MBOAT2: variants seen among roughly 807,000 people sequenced by gnomAD.
MBOAT2 encodes membrane-bound glycerophospholipid O-acyltransferase 2.
MBOAT2 carries 28 observed loss-of-function variants against 63.4 expected under a neutral mutation model. The observed-to-expected ratio is 0.44, with a 90% confidence interval of 0.33 to 0.61. The LOEUF is 0.61. Among genes scored for constraint, MBOAT2 ranks in the 20% least tolerant of loss-of-function variants. The pLI, the probability that MBOAT2 is intolerant of heterozygous loss-of-function variation, is 0.03. For synonymous variants in MBOAT2, 211 were observed against 215.6 expected, an observed-to-expected ratio of 0.98 and a Z score of 0.19; for missense variants, 470 against 605.8, an observed-to-expected ratio of 0.78 and a Z score of 2.35.
At chr2:8,899,082 A>G (rs965285212) in intron 4 of MBOAT2, among the ~76,000 whole-genome samples, 2 of 152,164 alleles carry the variant, frequency 1.3e-5, no homozygotes, top group Non-Finnish European at 2.9e-5. Context: ...TTTGATAAGG[A>G]AAAGTGGTGG....
intron 1 of MBOAT2, among the ~76,000 whole-genome samples, chr2:8,971,257 G>A (rs1250520809): frequency 6.6e-5 from 10 of 152,102 alleles, no homozygotes; most frequent in South Asian, 2.1e-4. Flanking sequence ...CAGAACCAAC[G>A]ACAAAAACCA....
chr2:8,963,249 A>T (rs937246761), intron 1 of MBOAT2, among the ~76,000 whole-genome samples: 3 of 150,882 alleles, frequency 2.0e-5, no homozygotes, highest in Non-Finnish European at 4.4e-5. Context: ...AAAAAAAAAA[A>T]TTGAGGCGGG....
In MBOAT2 at chr2:8,889,213, C is replaced by A. The variant is rs528044179; in HGVS notation, c.396-1140G>T. Among the ~76,000 whole-genome samples the A allele has an allele frequency of 4.6e-5, 7 of 152,334 alleles. No homozygotes were observed. The East Asian group carries it at 1.2e-3, about 25-fold the overall frequency. ...ACCTGCTCTCTTCCAGCAGTCCACA[C>A]CGCTCAGTGCAGAAGCTCGAACTGC... On this transcript the variant is annotated intron_variant, in intron 4 of 12. Transcript: ENST00000305997.
chr2:8,918,795 T>C (rs189203544), intron 3 of MBOAT2, among the ~76,000 whole-genome samples: 1 of 152,204 alleles, frequency 6.6e-6, no homozygotes, highest in Admixed American at 6.5e-5. Flanking sequence ...TCACACACCA[T>C]GAAATTTACT....
chr2:8,918,353 G>T (rs1308731334), intron 3 of MBOAT2, among the ~76,000 whole-genome samples: 1 of 152,166 alleles, frequency 6.6e-6, no homozygotes, highest in South Asian at 2.1e-4. Context: ...GAGGAAATGG[G>T]CACAGTGTGC....
chr2:8,944,169 A>G (rs1330173104), intron 2 of MBOAT2, among the ~76,000 whole-genome samples: 1 of 152,176 alleles, frequency 6.6e-6, no homozygotes, highest in Non-Finnish European at 1.5e-5. Flanking sequence ...AGCCCATGAC[A>G]TGGTATTTTC....
In MBOAT2 at chr2:8,855,457, T is replaced by C. The variant is rs1661020947; in HGVS notation, c.*3222A>G. On this transcript the variant is annotated 3_prime_UTR_variant, in exon 13 of 13. Transcript: ENST00000305997. ...AGAAACCTCCTTTTTACTGCACATTTTTCTCAAAAGTGGTATGTTTGGAAA... is the reference window on the plus strand; with the variant it reads ...AGAAACCTCCTTTTTACTGCACATTCTTCTCAAAAGTGGTATGTTTGGAAA... The C allele has an allele frequency of 6.6e-6, 1 of 152,258 alleles. No individual in the cohort carries two copies. The allele number at this position is 152,258 out of a possible 1,614,324, so 9.4% of individuals were successfully genotyped here.
In MBOAT2 at chr2:8,888,056, G is replaced by A; in HGVS notation, c.413C>T (p.Thr138Ile). 6.2e-7 allele frequency: 1 copy of A among 1,613,272 alleles called. No individual in the cohort carries two copies. Among genetic ancestry groups the A allele is most frequent in the East Asian group, 2.2e-5 (1 of 44,788 alleles). ...ADFSGPMMII[T>I]QKITSLACEI... The stretch of plus-strand genomic sequence containing the variant: ...GCAAGCCAAACTAGTGATCTTCTGA[G>A]TAATGATCATCATTGGGCTGTGACA... Residue 138 changes from threonine (T) to isoleucine (I), a missense_variant, in exon 5 of 13, where the codon ACT becomes ATT. Coordinates refer to ENST00000305997, the MANE Select transcript of MBOAT2 (RefSeq NM_138799.4).
At chr2:8,931,908 T>C (rs1283601294) in intron 3 of MBOAT2, among the ~76,000 whole-genome samples, 1 of 152,220 alleles carries the variant, frequency 6.6e-6, no homozygotes, top group Non-Finnish European at 1.5e-5. Flanking sequence ...TGTGTGGTAT[T>C]ATTTCTGAGA....
At chr2:8,973,750 C>T (rs116691470) in intron 1 of MBOAT2, among the ~76,000 whole-genome samples, 1,998 of 152,040 alleles carry the variant, frequency 0.013, 22 homozygotes, top group Middle Eastern at 0.027. Context: ...ATACAAGAAA[C>T]GGAAATTAAA....
At chr2:8,890,662 G>A (rs1429409998) in intron 4 of MBOAT2, among the ~76,000 whole-genome samples, 1 of 151,994 alleles carries the variant, frequency 6.6e-6, no homozygotes, top group Non-Finnish European at 1.5e-5. Flanking sequence ...TAACCCTACA[G>A]GTACATGCTA....
chr2:8,938,569 T>C (rs1667825852), intron 3 of MBOAT2, among the ~76,000 whole-genome samples: 1 of 151,602 alleles, frequency 6.6e-6, no homozygotes, highest in Non-Finnish European at 1.5e-5. Flanking sequence ...CCGCTGTGTC[T>C]CAGGCCACAT....
chr2:8,990,208 T>C (rs1671833493), intron 1 of MBOAT2, among the ~76,000 whole-genome samples: 1 of 152,204 alleles, frequency 6.6e-6, no homozygotes, highest in Admixed American at 6.5e-5. Flanking sequence ...TTTCCTTAAC[T>C]AGAAGTTGCA....
chr2:8,974,432 C>T (rs1670674955), intron 1 of MBOAT2: 1 of 456,468 alleles, frequency 2.2e-6, no homozygotes, highest in East Asian at 7.0e-5. Context: ...ATGTGGCGGG[C>T]AGCCTAGGAG....
chr2:8,954,062 A>T (rs1021584288), intron 2 of MBOAT2, among the ~76,000 whole-genome samples: 1 of 152,114 alleles, frequency 6.6e-6, no homozygotes, highest in African/African-American at 2.4e-5. Flanking sequence ...CATGCAGGTA[A>T]GATTTTTTTC....
chr2:8,877,251 T>C (rs768399973), intron 6 of MBOAT2, 38 bp from the exon 7 acceptor site: 1 of 1,576,444 alleles, frequency 6.3e-7, no homozygotes, highest in East Asian at 2.2e-5. Flanking sequence ...AGATGCAGCA[T>C]AAGCTTCAGA....
chr2:8,943,107 T>G (rs1668164815), intron 3 of MBOAT2, 80 bp downstream of exon 3: 3 of 720,260 alleles, frequency 4.2e-6, no homozygotes, highest in Non-Finnish European at 6.3e-6. Context: ...TTACTTTTAA[T>G]GTAATAAATA....
At chr2:8,901,351 G>A (rs557245875) in intron 4 of MBOAT2, among the ~76,000 whole-genome samples, 6 of 152,198 alleles carry the variant, frequency 3.9e-5, no homozygotes, top group East Asian at 1.9e-4. Context: ...GGCCCTTACC[G>A]ACGCATTCTC....
chr2:8,992,080 C>A (rs1297916330), intron 1 of MBOAT2, among the ~76,000 whole-genome samples: 1 of 152,216 alleles, frequency 6.6e-6, no homozygotes, highest in Non-Finnish European at 1.5e-5. Context: ...ACAATAAACA[C>A]AAACTCCCAG....
Sources: gnomAD v4.1 joint callset for allele counts (sites outside exome capture counted in the v4.1 genomes callset) on GRCh38, gnomAD v4.1.1 for gene constraint, MANE v1.5 for transcripts, NCBI Gene and HGNC (gene_info 2026-07-23, HGNC 2026-07-21) for gene names.